DCAF1: variants seen among roughly 807,000 people sequenced by gnomAD.
The protein encoded by DCAF1 is DDB1 and CUL4 associated factor 1.
A neutral mutation model predicts 128.0 loss-of-function variants in DCAF1; 15 were observed. The observed-to-expected ratio is 0.12, with a 90% CI of 0.08 to 0.18. The LOEUF is 0.18. Ranked by LOEUF, DCAF1 falls within the 10% of genes least tolerant of loss-of-function variation. The probability of loss-of-function intolerance (pLI) is 1.00; values close to 1 mark genes in which losing one functional copy is unlikely to be tolerated. For missense variants in DCAF1, 988 were observed against 1,649.5 expected (o/e 0.60, Z 6.95); for synonymous variants, 610 against 603.0 (o/e 1.01, Z -0.17).
intron 2 of DCAF1, among the ~76,000 whole-genome samples, chr3:51,484,422 G>A (rs1577305006): frequency 6.6e-6 from 1 of 150,844 alleles, no homozygotes; most frequent in Non-Finnish European, 1.5e-5. Context: ...GCAGTGAGCC[G>A]AGATCACACC....
intron 13 of DCAF1, among the ~76,000 whole-genome samples, chr3:51,424,896 G>C (rs1553633707): frequency 6.6e-6 from 1 of 152,152 alleles, no homozygotes; most frequent in African/African-American, 2.4e-5. Context: ...GGCAGAAAAA[G>C]AACTGAGCCA....
chr3:51,465,337 C>A, intron 5 of DCAF1, among the ~76,000 whole-genome samples: 1 of 152,088 alleles, frequency 6.6e-6, no homozygotes, highest in East Asian at 1.9e-4. Flanking sequence ...ACGTAAAATT[C>A]GAGGTGTATA....
In DCAF1 at chr3:51,398,482, GT is replaced by G. The variant is rs1191143925; in HGVS notation, c.*286del. On this transcript the variant is annotated 3_prime_UTR_variant, in exon 25 of 25. Transcript: ENST00000684031. ...TATTGTGAAATACCCCAGAGACATG[GT>G]TTTTTTTTCCCCTTGAAAGATATGT... 47 of 357,304 alleles carry G rather than the reference GT, an allele frequency of 1.3e-4. No homozygotes were observed. The highest frequency in any genetic ancestry group is 1.8e-4 in the South Asian group (3 of 16,776). 22.1% of individuals were successfully genotyped at this position (357,304 alleles called of 1,614,324 possible). A position where few individuals can be genotyped will look rare whatever the true frequency, so the allele number is the denominator to read the frequency against.
downstream of DCAF1, chr3:51,396,045 GTT>G: frequency 2.4e-6 from 1 of 411,876 alleles, no homozygotes; most frequent in Non-Finnish European, 4.4e-6. Context: ...CACTGCAGTG[GTT>G]TTCCTGCAGC....
chr3:51,483,949 A>T lies in DCAF1; in HGVS notation c.-8-113T>A. On this transcript the variant is annotated intron_variant, in intron 2 of 24. Coordinates refer to ENST00000684031, the MANE Select transcript of DCAF1 (RefSeq NM_001387579.1). ...AGGCAAGAGAAAAAATTAAAAAGGG[A>T]AATTTAACCCCTTGAACCCTTTGGA... The T allele has an allele frequency of 5.4e-6, 4 of 734,946 alleles. 1 individual carries two copies. The highest frequency in any genetic ancestry group is 5.0e-5 in the Admixed American group (2 of 39,758). The allele number at this position is 734,946 out of a possible 1,614,324, so 45.5% of individuals were successfully genotyped here.
chr3:51,463,683 T>G (rs2108073456), intron 5 of DCAF1, among the ~76,000 whole-genome samples: 1 of 151,924 alleles, frequency 6.6e-6, no homozygotes, highest in South Asian at 2.1e-4. Flanking sequence ...CATGGGAGGC[T>G]GAGGTGGGAG....
chr3:51,432,893 A>C (rs1420981356), intron 10 of DCAF1, among the ~76,000 whole-genome samples: 2 of 152,248 alleles, frequency 1.3e-5, no homozygotes, highest in African/African-American at 2.4e-5. Flanking sequence ...GCATTTTCCC[A>C]GAAGAGTCAG....
At chr3:51,487,389 G>A (rs1057154608) in intron 2 of DCAF1, among the ~76,000 whole-genome samples, 1 of 152,068 alleles carries the variant, frequency 6.6e-6, no homozygotes, top group Non-Finnish European at 1.5e-5. Flanking sequence ...ATATTATAGT[G>A]GTACACTGTC....
At chr3:51,402,486 T>A (rs568122852) in intron 24 of DCAF1, among the ~76,000 whole-genome samples, 135 of 152,118 alleles carry the variant, frequency 8.9e-4, no homozygotes, top group African/African-American at 3.2e-3. Flanking sequence ...AATCATTCAT[T>A]TACGGATTGT....
At chr3:51,400,602 G>A (rs1012828131) in intron 24 of DCAF1, among the ~76,000 whole-genome samples, 2 of 152,054 alleles carry the variant, frequency 1.3e-5, no homozygotes, top group Admixed American at 6.5e-5. Flanking sequence ...ACTCCCCTCT[G>A]GTGGTCAGAC....
chr3:51,426,438 G>A (rs903360438), intron 13 of DCAF1, among the ~76,000 whole-genome samples: 13 of 152,100 alleles, frequency 8.5e-5, no homozygotes, highest in Middle Eastern at 3.2e-3. Context: ...TCAAACTTCG[G>A]ACCTCAAGTG....
In DCAF1 at chr3:51,470,958, T is replaced by A; in HGVS notation, c.158A>T (p.Asp53Val). The A allele has an allele frequency of 6.2e-7, 1 of 1,606,776 alleles. No homozygotes were observed. The highest frequency in any genetic ancestry group is 8.5e-7 in the Non-Finnish European group (1 of 1,175,420). ...EKETEEYRKG[D>V]PDPFDDRHPG... is the part of the protein sequence containing the mutation. ...ATGTCGATCATCAAATGGGTCTGGA[T>A]CCCCTTTACGATACTCTTCAGTTTC... Residue 53 changes from aspartate (D) to valine (V), a missense_variant, in exon 4 of 25, where the codon GAT becomes GTT. By Grantham distance (152) the Asp-to-Val change is radical (BLOSUM62 -3). Around this residue, in one of 11 missense-constraint regions of DCAF1, gnomAD observed 14 missense variants for 48.6 expected, o/e 0.29. Coordinates refer to ENST00000684031, the MANE Select transcript of DCAF1 (RefSeq NM_001387579.1).
rs566099625 is a variant in DCAF1 at position 51,416,796 on chromosome 3, G to A, written c.3594C>T (p.Asp1198=). Residue 1198 remains aspartate, a synonymous_variant, in exon 18 of 25, where the codon GAC becomes GAT. Coordinates refer to ENST00000684031, the MANE Select transcript of DCAF1 (RefSeq NM_001387579.1). The part of the protein sequence containing the change: ...SQDRVIGTKG[D]IAHIYDIQTG... ...GTTCTTAAGTACTTACGTGGGCAAT[G>A]TCTCCTTTTGTGCCGATGACCCGAT... 1.9e-6 allele frequency: 3 copies of A among 1,610,814 alleles called. No homozygotes were observed. The highest frequency in any genetic ancestry group is 2.2e-5 in the East Asian group (1 of 44,824).
At chr3:51,476,573 A>C (rs1211119071) in intron 3 of DCAF1, among the ~76,000 whole-genome samples, 1 of 4,128 alleles carries the variant, frequency 2.4e-4, no homozygotes, top group Non-Finnish European at 4.8e-4. Context: ...ATTATATCTC[A>C]AAAAAAAAAA....
At chr3:51,444,791 T>C (rs1328625451) in intron 6 of DCAF1, among the ~76,000 whole-genome samples, 1 of 152,082 alleles carries the variant, frequency 6.6e-6, no homozygotes, top group African/African-American at 2.4e-5. Context: ...TTCTCCTGCC[T>C]TAGCCTCCCG....
At chr3:51,503,158 A>G (rs1350798013), upstream of DCAF1, among the ~76,000 whole-genome samples, 1 of 151,992 alleles carries the variant, frequency 6.6e-6, no homozygotes, top group Non-Finnish European at 1.5e-5. Context: ...CCCCTGCTCC[A>G]TGGTGTGCCC....
chr3:51,418,538 T>C, intron 16 of DCAF1, 140 bp downstream of exon 16: 1 of 1,398,280 alleles, frequency 7.2e-7, no homozygotes. Flanking sequence ...CCATCTGAAA[T>C]ATGAATTAAC....
At chr3:51,458,338 G>A (rs1413779891) in intron 6 of DCAF1, among the ~76,000 whole-genome samples, 1 of 152,130 alleles carries the variant, frequency 6.6e-6, no homozygotes, top group African/African-American at 2.4e-5. Flanking sequence ...TAATGGTAAA[G>A]GGATCAATTC....
the DCAF1 span, among the ~76,000 whole-genome samples, chr3:51,505,194 G>A: frequency 6.6e-6 from 1 of 151,402 alleles, no homozygotes; most frequent in African/African-American, 2.4e-5. Context: ...AACCCAGGAG[G>A]CGTAGGTTGC....
Sources: gnomAD v4.1 joint callset for allele counts (sites outside exome capture counted in the v4.1 genomes callset) on GRCh38, gnomAD v4.1.1 for gene constraint, gnomAD v4.1.1 regional missense constraint, MANE v1.5 for transcripts, NCBI Gene and HGNC (gene_info 2026-07-23, HGNC 2026-07-21) for gene names.